FRMD4A: variants seen among roughly 807,000 people sequenced by gnomAD.
FRMD4A encodes FERM domain-containing protein 4A.
In FRMD4A, 29 loss-of-function variants were observed where a neutral mutation model predicts 129.1. The ratio of observed to expected loss-of-function variants is 0.22; its 90% CI spans 0.17 to 0.31. The LOEUF is 0.31. Among genes scored for constraint, FRMD4A ranks in the 10% least tolerant of loss-of-function variants. The probability of loss-of-function intolerance (pLI) is 1.00; values close to 1 mark genes in which losing one functional copy is unlikely to be tolerated. For synonymous variants in FRMD4A, 634 were observed against 571.6 expected (o/e 1.11, Z -1.56); for missense variants, 1,272 against 1,375.8 (o/e 0.92, Z 1.19).
In FRMD4A at chr10:14,058,768, A is replaced by G. The variant is rs555116268; in HGVS notation, c.46-199856T>C. On this transcript the variant is annotated intron_variant, in intron 2 of 24. Transcript: ENST00000357447. ...GACCATATGCCACAGGGTCCCGGTG[A>G]CTACAGGGTCTCCAAAGAGCTGATT... Among the ~76,000 whole-genome samples the G allele has an allele frequency of 9.2e-5, 14 of 152,296 alleles. No homozygotes were observed. In the South Asian group the frequency reaches 2.5e-3, roughly 27 times the overall value.
At chr10:13,885,061 G>A (rs2131142355) in intron 2 of FRMD4A, among the ~76,000 whole-genome samples, 1 of 152,282 alleles carries the variant, frequency 6.6e-6, no homozygotes, top group African/African-American at 2.4e-5. Context: ...TTGGAGAGGG[G>A]GAAATGCAAA....
At chr10:14,178,301 C>G (rs1841800121) in intron 2 of FRMD4A, among the ~76,000 whole-genome samples, 1 of 152,180 alleles carries the variant, frequency 6.6e-6, no homozygotes, top group Admixed American at 6.5e-5. Flanking sequence ...TTATTTTAGA[C>G]TATTAGGCTA....
chr10:13,941,554 A>G (rs771500124), intron 2 of FRMD4A, among the ~76,000 whole-genome samples: 2 of 152,216 alleles, frequency 1.3e-5, no homozygotes, highest in African/African-American at 2.4e-5. Flanking sequence ...ACAGGGTAAG[A>G]GAAGAGTCTC....
chr10:13,656,585 A>G, intron 22 of FRMD4A, 51 bp downstream of exon 22: 1 of 1,343,230 alleles, frequency 7.4e-7, no homozygotes, highest in East Asian at 2.9e-5. Flanking sequence ...TGACACCGGC[A>G]AGCAGTTCGC....
At chr10:13,897,541 C>A (rs1360353657) in intron 2 of FRMD4A, among the ~76,000 whole-genome samples, 4 of 152,170 alleles carry the variant, frequency 2.6e-5, no homozygotes, top group South Asian at 2.1e-4. Context: ...AGACCCTATG[C>A]CTGCTGAGTG....
intron 3 of FRMD4A, among the ~76,000 whole-genome samples, chr10:13,827,471 G>A (rs777752929): frequency 6.6e-6 from 1 of 152,168 alleles, no homozygotes; most frequent in African/African-American, 2.4e-5. Context: ...TTTTGGAGGC[G>A]ATGTTTTATT....
chr10:14,196,555 A>T (rs1273727273), intron 2 of FRMD4A, among the ~76,000 whole-genome samples: 2 of 152,274 alleles, frequency 1.3e-5, no homozygotes, highest in East Asian at 3.8e-4. Context: ...TATAATTTCT[A>T]AGCAAAAATA....
chr10:13,873,040 G>A (rs1362152658), intron 2 of FRMD4A, among the ~76,000 whole-genome samples: 1 of 151,984 alleles, frequency 6.6e-6, no homozygotes, highest in African/African-American at 2.4e-5. Flanking sequence ...GCCGGGCATG[G>A]TGGTGAACGC....
intron 3 of FRMD4A, among the ~76,000 whole-genome samples, chr10:13,858,178 A>G (rs920171412): frequency 1.3e-5 from 2 of 152,220 alleles, no homozygotes; most frequent in African/African-American, 4.8e-5. Context: ...TCATGTCTAT[A>G]ATCCCAGCAC....
chr10:14,093,172 G>A (rs1215717085), intron 2 of FRMD4A, among the ~76,000 whole-genome samples: 2 of 152,148 alleles, frequency 1.3e-5, no homozygotes, highest in Non-Finnish European at 2.9e-5. Flanking sequence ...CAGGCTGCCT[G>A]CACGGCTCAG....
chr10:14,239,660 A>AC (rs1396338367), intron 2 of FRMD4A, among the ~76,000 whole-genome samples: 1 of 151,904 alleles, frequency 6.6e-6, no homozygotes, highest in Non-Finnish European at 1.5e-5. Context: ...AACAAAAAAA[A>AC]ACTGGCAAAA....
chr10:13,856,181 T>C (rs978274964), intron 3 of FRMD4A, among the ~76,000 whole-genome samples: 1 of 151,302 alleles, frequency 6.6e-6, no homozygotes, highest in Non-Finnish European at 1.5e-5. Flanking sequence ...TATGTATAGG[T>C]AGATAGTGTG....
intron 2 of FRMD4A, among the ~76,000 whole-genome samples, chr10:13,902,490 A>T (rs868112016): frequency 6.6e-6 from 1 of 151,116 alleles, no homozygotes; most frequent in South Asian, 2.1e-4. Flanking sequence ...AGAGAGAGAG[A>T]GTGACAGAGA....
intron 2 of FRMD4A, among the ~76,000 whole-genome samples, chr10:14,181,017 AT>A (rs1841895271): frequency 6.6e-6 from 1 of 152,168 alleles, no homozygotes; most frequent in African/African-American, 2.4e-5. Context: ...ACTCTGCCCC[AT>A]TTTCTAAAGA....
At position 13,955,112 on chromosome 10, in the gene FRMD4A, C is replaced by CTT. The variant is rs71388139; in HGVS notation, c.46-96202_46-96201dup. On this transcript the variant is annotated intron_variant, in intron 2 of 24. Coordinates refer to ENST00000357447, the MANE Select transcript of FRMD4A (RefSeq NM_018027.5). ...TTCCAACCCCATGTTAATAATTCTG[C>CTT]TTTTTTTTTTTTTGAGACGGAGTAT... 9.7e-5 allele frequency among the ~76,000 whole-genome samples: 10 copies of CTT among 102,956 alleles called. No individual in the cohort carries two copies. The East Asian group carries it at 2.0e-3, about 20-fold the overall frequency. The allele number at this position is 102,956 out of a possible 152,430, so 67.5% of individuals were successfully genotyped here. A position where few individuals can be genotyped will look rare whatever the true frequency, so the allele number is the denominator to read the frequency against.
At chr10:14,148,490 G>A (rs780751919) in intron 2 of FRMD4A, among the ~76,000 whole-genome samples, 2 of 152,190 alleles carry the variant, frequency 1.3e-5, no homozygotes, top group Non-Finnish European at 1.5e-5. Flanking sequence ...ATGGCCGGGT[G>A]CGCTGGCTCA....
intron 2 of FRMD4A, among the ~76,000 whole-genome samples, chr10:14,263,127 T>C (rs1844861100): frequency 6.6e-6 from 1 of 152,188 alleles, no homozygotes; most frequent in Non-Finnish European, 1.5e-5. Flanking sequence ...ACAGTTTTAA[T>C]GGAAATACAG....
At chr10:14,150,824 G>T (rs1368931696) in intron 2 of FRMD4A, among the ~76,000 whole-genome samples, 1 of 152,118 alleles carries the variant, frequency 6.6e-6, no homozygotes, top group Non-Finnish European at 1.5e-5. Context: ...ATTAGCTAAT[G>T]AAACAAGGTG....
intron 3 of FRMD4A, among the ~76,000 whole-genome samples, chr10:13,851,446 G>A (rs1208819926): frequency 6.6e-6 from 1 of 152,162 alleles, no homozygotes; most frequent in East Asian, 1.9e-4. Flanking sequence ...AGCAGGAGAT[G>A]AGCAGCGAGA....
Sources: gnomAD v4.1 joint callset for allele counts (sites outside exome capture counted in the v4.1 genomes callset) on GRCh38, gnomAD v4.1.1 for gene constraint, MANE v1.5 for transcripts, NCBI Gene and HGNC (gene_info 2026-07-23, HGNC 2026-07-21) for gene names.